Variants in RBFOX3 observed in about 807,000 individuals in gnomAD.
RBFOX3 encodes the protein RNA binding protein fox-1 homolog 3.
RBFOX3 carries 17 observed loss-of-function variants against 48.7 expected under a neutral mutation model. That is an observed-to-expected ratio of 0.35 (90% CI 0.24 to 0.52). RBFOX3 has a LOEUF of 0.52. RBFOX3 is among the 20% of genes least tolerant of loss of function. RBFOX3 has a pLI of 0.94. For synonymous variants in RBFOX3, 212 were observed against 209.5 expected (o/e 1.01, Z -0.10); for missense variants, 382 against 497.5 (o/e 0.77, Z 2.21).
At chr17:79,341,153 GCA>G (rs1168676321) in intron 2 of RBFOX3, among the ~76,000 whole-genome samples, 3 of 152,216 alleles carry the variant, frequency 2.0e-5, no homozygotes, top group African/African-American at 7.2e-5. Flanking sequence ...ATGCACGTAT[GCA>G]CAGTGTGTAC....
intron 2 of RBFOX3, among the ~76,000 whole-genome samples, chr17:79,424,450 C>A (rs193003470): frequency 7.9e-5 from 12 of 152,186 alleles, no homozygotes; most frequent in South Asian, 2.1e-4. Flanking sequence ...CCGCTCCCCC[C>A]GCAACTGAGC....
chr17:79,515,314 C>CA (rs1477118443), intron 1 of RBFOX3, among the ~76,000 whole-genome samples: 1 of 152,174 alleles, frequency 6.6e-6, no homozygotes, highest in East Asian at 1.9e-4. Flanking sequence ...GCCCAGCCTA[C>CA]AGCTGGGAGA....
intron 2 of RBFOX3, among the ~76,000 whole-genome samples, chr17:79,350,028 A>G (rs1159355007): frequency 6.6e-6 from 1 of 152,192 alleles, no homozygotes; most frequent in Non-Finnish European, 1.5e-5. Flanking sequence ...TAGGTCATTC[A>G]GATCTGCTCA....
chr17:79,486,622 C>T (rs2079646908), intron 1 of RBFOX3, among the ~76,000 whole-genome samples: 1 of 152,178 alleles, frequency 6.6e-6, no homozygotes, highest in Non-Finnish European at 1.5e-5. Flanking sequence ...AATCCTCTTG[C>T]TTTAATGACA....
At position 79,412,161 on chromosome 17, in the gene RBFOX3, TGTAA is replaced by T. The variant is rs138566050; in HGVS notation, c.-175+70289_-175+70292del. Among the ~76,000 whole-genome samples, 691 of 151,126 alleles carry T rather than the reference TGTAA, an allele frequency of 4.6e-3. 13 individuals are homozygous for T. The highest frequency in any genetic ancestry group is 0.045 in the East Asian group (235 of 5,182). On this transcript the variant is annotated intron_variant, in intron 2 of 14. Coordinates refer to ENST00000693108, the MANE Select transcript of RBFOX3 (RefSeq NM_001350451.2). ...CGTGTTGTGCATGATCTGTGTGTGG[TGTAA>T]GTGTGTATGCACATATGTGTATATG...
intron 1 of RBFOX3, among the ~76,000 whole-genome samples, chr17:79,604,890 T>G (rs999357632): frequency 3.9e-5 from 6 of 152,316 alleles, no homozygotes; most frequent in Admixed American, 1.3e-4. Context: ...TCCGGAGACA[T>G]GAGCCTGGCC....
chr17:79,528,920 G>A (rs1053829278), intron 1 of RBFOX3, among the ~76,000 whole-genome samples: 4 of 152,196 alleles, frequency 2.6e-5, no homozygotes, highest in South Asian at 2.1e-4. Context: ...ACTCTGCACC[G>A]CCCCTCAGTT....
At chr17:79,544,046 A>T (rs2090071708) in intron 1 of RBFOX3, among the ~76,000 whole-genome samples, 1 of 152,164 alleles carries the variant, frequency 6.6e-6, no homozygotes, top group Non-Finnish European at 1.5e-5. Flanking sequence ...GGGCATTGAG[A>T]GCTCCTTTCC....
intron 2 of RBFOX3, among the ~76,000 whole-genome samples, chr17:79,315,682 G>C (rs1346746840): frequency 6.6e-6 from 1 of 152,264 alleles, no homozygotes; most frequent in East Asian, 1.9e-4. Context: ...CCCCTCTGTG[G>C]TCGACAGCGA....
the RBFOX3 span, among the ~76,000 whole-genome samples, chr17:79,619,750 G>A: frequency 2.0e-4 from 30 of 151,970 alleles, no homozygotes; most frequent in African/African-American, 6.3e-4. Flanking sequence ...CGTCCCGGAC[G>A]GACAGGGTGT....
Position 79,115,703 on chromosome 17 carries a change from A to AGGGGGGGGGGGGGAT in RBFOX3, c.12_13insATCCCCCCCCCCCCC (p.Pro4_Tyr5insIleProProProPro). 2 of 383,550 alleles carry AGGGGGGGGGGGGGAT rather than the reference A, an allele frequency of 5.2e-6. No homozygotes were observed. The highest frequency in any genetic ancestry group is 6.2e-5 in the East Asian group (1 of 16,020). 23.8% of individuals were successfully genotyped at this position (383,550 alleles called of 1,614,324 possible). A position where few individuals can be genotyped will look rare whatever the true frequency, so the allele number is the denominator to read the frequency against. On this transcript the variant is annotated inframe_insertion, in exon 5 of 15. Transcript: ENST00000693108. ...GGAGGGGGGTACTGGGCGGGGGGGT[A>AGGGGGGGGGGGGGAT]GGGCTGGGCCATCGCTTCAGGCGGA... is the stretch of plus-strand genomic sequence containing the variant.
rs56132136 is a variant in RBFOX3, at chr17:79,313,559, C to T, written c.-174-5735G>A. 6.4e-3 allele frequency among the ~76,000 whole-genome samples: 971 copies of T among 152,264 alleles called. 13 individuals are homozygous for T. The highest frequency in any genetic ancestry group is 0.022 in the African/African-American group (898 of 41,548). ...AGCCACAGAACCCCTACAATCCTGA[C>T]GAGAGTCCAGTAACACACTCAGGGG... On this transcript the variant is annotated intron_variant, in intron 2 of 14. Coordinates refer to ENST00000693108, the MANE Select transcript of RBFOX3 (RefSeq NM_001350451.2).
rs183666832 is a variant in RBFOX3, at chr17:79,364,454, C to T, written c.-174-56630G>A. On this transcript the variant is annotated intron_variant, in intron 2 of 14. Coordinates refer to ENST00000693108, the MANE Select transcript of RBFOX3 (RefSeq NM_001350451.2). The surrounding 1 kb of genome is among the most constrained non-coding windows in gnomAD (Gnocchi z 5.1). ...TCTGCGAGGAAAGAGATGCTCTCTG[C>T]AGCTGGGGACAGTGCTGCTCTCCCA... 6.6e-6 allele frequency among the ~76,000 whole-genome samples: 1 copy of T among 152,356 alleles called. No homozygotes were observed. The highest frequency in any genetic ancestry group is 2.4e-5 in the African/African-American group (1 of 41,580).
intron 3 of RBFOX3, among the ~76,000 whole-genome samples, chr17:79,251,425 T>C (rs1247153187): frequency 6.6e-6 from 1 of 152,146 alleles, no homozygotes; most frequent in Non-Finnish European, 1.5e-5. Flanking sequence ...TCACTGAAAT[T>C]GATCCAGCAC....
chr17:79,506,665 G>A (rs1290990763), intron 1 of RBFOX3, among the ~76,000 whole-genome samples: 9 of 152,220 alleles, frequency 5.9e-5, no homozygotes, highest in Admixed American at 6.5e-5. Context: ...AGTGCTGAGC[G>A]GGCCAGCCCC....
At chr17:79,245,416 T>A (rs1335356593) in intron 3 of RBFOX3, among the ~76,000 whole-genome samples, 2 of 152,018 alleles carry the variant, frequency 1.3e-5, no homozygotes, top group Admixed American at 6.5e-5. Context: ...GGAAGCCACT[T>A]TTTTGGTTTG....
chr17:79,171,490 A>C (rs781334349), intron 4 of RBFOX3, among the ~76,000 whole-genome samples: 3 of 152,206 alleles, frequency 2.0e-5, no homozygotes, highest in Non-Finnish European at 4.4e-5. Context: ...ACGTAAACAA[A>C]TGAGCGTGGC....
intron 2 of RBFOX3, among the ~76,000 whole-genome samples, chr17:79,458,344 C>T (rs34495855): frequency 0.33 from 50,755 of 152,082 alleles, 9,446 homozygotes; most frequent in Non-Finnish European, 0.43. Flanking sequence ...CTCAGCTCCC[C>T]GCAATGTTGA....
chr17:79,353,240 C>A (rs2084303537), intron 2 of RBFOX3, among the ~76,000 whole-genome samples: 1 of 152,198 alleles, frequency 6.6e-6, no homozygotes, highest in Non-Finnish European at 1.5e-5. Context: ...GTGTTTGAGT[C>A]CCTGCTGAAG....
Sources: allele counts gnomAD v4.1 joint callset (sites outside exome capture counted in the v4.1 genomes callset), GRCh38; gene constraint gnomAD v4.1.1; non-coding constraint Gnocchi (gnomAD v3.1); transcripts MANE v1.5; gene names NCBI Gene and HGNC (gene_info 2026-07-23, HGNC 2026-07-21).